The following NEGR1 variants were observed in gnomAD, a reference collection of about 807,000 sequenced individuals.
NEGR1 encodes IgLON family member 4.
In NEGR1, 10 loss-of-function variants were observed where a neutral mutation model predicts 40.9. The ratio of observed to expected loss-of-function variants is 0.24; its 90% confidence interval spans 0.15 to 0.42. The LOEUF is 0.42. NEGR1 is among the 10% of genes least tolerant of loss of function. The pLI, the probability that NEGR1 is intolerant of heterozygous loss-of-function variation, is 1.00. For synonymous variants in NEGR1, 185 were observed against 166.8 expected (o/e 1.11, Z -0.84); for missense variants, 352 against 438.9 (o/e 0.80, Z 1.77).
intron 1 of NEGR1, among the ~76,000 whole-genome samples, chr1:72,127,671 T>C (rs1426387990): frequency 6.6e-6 from 1 of 152,054 alleles, no homozygotes; most frequent in Non-Finnish European, 1.5e-5. Flanking sequence ...ACAAAATAAA[T>C]AGATCAACAA....
chr1:71,782,707 A>C (rs1438951179), intron 2 of NEGR1, among the ~76,000 whole-genome samples: 2 of 152,152 alleles, frequency 1.3e-5, no homozygotes, highest in Non-Finnish European at 2.9e-5. Flanking sequence ...AGATCCTATA[A>C]AATTTTATAC....
chr1:71,719,934 T>C (rs1168065491), intron 3 of NEGR1, among the ~76,000 whole-genome samples: 1 of 152,082 alleles, frequency 6.6e-6, no homozygotes, highest in Non-Finnish European at 1.5e-5. Flanking sequence ...CCTGACCCTA[T>C]AAGAGTGCAT....
At chr1:71,427,914 C>CAGT (rs1646439657) in intron 6 of NEGR1, among the ~76,000 whole-genome samples, 1 of 152,078 alleles carries the variant, frequency 6.6e-6, no homozygotes, top group Non-Finnish European at 1.5e-5. Flanking sequence ...CCAGCAAATA[C>CAGT]AGTAGGACAA....
intron 1 of NEGR1, among the ~76,000 whole-genome samples, chr1:72,280,528 A>G (rs746065917): frequency 1.8e-4 from 28 of 152,220 alleles, no homozygotes; most frequent in Admixed American, 1.2e-3. Flanking sequence ...ACATAAAGAG[A>G]AAATACAGGC....
chr1:71,654,795 T>C (rs1651826708), intron 4 of NEGR1, among the ~76,000 whole-genome samples: 1 of 152,224 alleles, frequency 6.6e-6, no homozygotes, highest in South Asian at 2.1e-4. Context: ...TTTGACATTA[T>C]GGGTTGCTAG....
At chr1:71,567,120 A>T in intron 6 of NEGR1, among the ~76,000 whole-genome samples, 1 of 152,182 alleles carries the variant, frequency 6.6e-6, no homozygotes, top group East Asian at 1.9e-4. Context: ...GAAAAGAGTG[A>T]AACTGACAGA....
intron 3 of NEGR1, among the ~76,000 whole-genome samples, chr1:71,772,375 G>T (rs1214123350): frequency 1.3e-5 from 2 of 151,880 alleles, no homozygotes; most frequent in African/African-American, 4.8e-5. Flanking sequence ...CTGCACTCTA[G>T]TCTAGGCGAC....
At chr1:72,079,429 G>A (rs891495412) in intron 1 of NEGR1, among the ~76,000 whole-genome samples, 1 of 151,768 alleles carries the variant, frequency 6.6e-6, no homozygotes, top group African/African-American at 2.4e-5. Flanking sequence ...TATGTTAGCT[G>A]GTAATCACTT....
At chr1:72,048,734 A>G (rs188200396) in intron 1 of NEGR1, among the ~76,000 whole-genome samples, 13 of 151,764 alleles carry the variant, frequency 8.6e-5, no homozygotes, top group Admixed American at 2.0e-4. Flanking sequence ...ATCATCTTCA[A>G]AGAAAAGAAA....
chr1:72,202,013 G>T (rs776933683), intron 1 of NEGR1, among the ~76,000 whole-genome samples: 1 of 151,658 alleles, frequency 6.6e-6, no homozygotes, highest in Admixed American at 6.6e-5. Context: ...CCAACATCAC[G>T]TACTTACTTC....
At chr1:72,056,872 C>T (rs1647115569) in intron 1 of NEGR1, among the ~76,000 whole-genome samples, 2 of 151,488 alleles carry the variant, frequency 1.3e-5, no homozygotes, top group Non-Finnish European at 1.5e-5. Context: ...CTAACTCTGC[C>T]TCTGAACTGT....
At chr1:71,656,585 TG>T (rs1441217142) in intron 4 of NEGR1, among the ~76,000 whole-genome samples, 1 of 152,162 alleles carries the variant, frequency 6.6e-6, no homozygotes, top group Non-Finnish European at 1.5e-5. Context: ...TCTAATTTTT[TG>T]TATTTTTGGT....
intron 2 of NEGR1, among the ~76,000 whole-genome samples, chr1:71,916,162 A>G (rs1336399901): frequency 6.6e-6 from 1 of 152,194 alleles, no homozygotes; most frequent in African/African-American, 2.4e-5. Flanking sequence ...ACTTCTTCCT[A>G]CAGAGATATC....
At chr1:72,198,878 T>C (rs1653097268) in intron 1 of NEGR1, among the ~76,000 whole-genome samples, 1 of 152,012 alleles carries the variant, frequency 6.6e-6, no homozygotes, top group African/African-American at 2.4e-5. Context: ...AAATATCAAT[T>C]GAATATATTT....
chr1:71,975,821 T>A (rs1018058027), intron 1 of NEGR1, among the ~76,000 whole-genome samples: 1 of 152,216 alleles, frequency 6.6e-6, no homozygotes, highest in African/African-American at 2.4e-5. Flanking sequence ...CCGAGATCCC[T>A]CCCAGCTCAA....
intron 1 of NEGR1, among the ~76,000 whole-genome samples, chr1:72,163,549 G>GT (rs2100379975): frequency 6.6e-6 from 1 of 152,188 alleles, no homozygotes; most frequent in Non-Finnish European, 1.5e-5. Flanking sequence ...GAACAATTTA[G>GT]TTGTTAAACT....
intron 2 of NEGR1, among the ~76,000 whole-genome samples, chr1:71,813,594 C>T (rs560673655): frequency 6.6e-6 from 1 of 152,100 alleles, no homozygotes; most frequent in South Asian, 2.1e-4. Context: ...TTGTTTGTGT[C>T]CTCTCTGATT....
At chr1:72,031,955 C>A (rs1328814788) in intron 1 of NEGR1, among the ~76,000 whole-genome samples, 1 of 152,178 alleles carries the variant, frequency 6.6e-6, no homozygotes, top group African/African-American at 2.4e-5. Flanking sequence ...ATAATCTCCA[C>A]AGCCTAGTGA....
chr1:71,472,725 T>C (rs1352983306), intron 6 of NEGR1: 3 of 152,180 alleles, frequency 2.0e-5, no homozygotes, highest in South Asian at 4.1e-4. Flanking sequence ...TTCTGATACA[T>C]GAGAAGAGAG....
Sources: allele counts gnomAD v4.1 joint callset (sites outside exome capture counted in the v4.1 genomes callset), GRCh38; gene constraint gnomAD v4.1.1; transcripts MANE v1.5; gene names NCBI Gene and HGNC (gene_info 2026-07-23, HGNC 2026-07-21).